The following KCNIP1 variants were observed in gnomAD, a reference collection of about 807,000 sequenced individuals.
KCNIP1 encodes potassium voltage-gated channel interacting protein 1, also known as A-type potassium channel modulatory protein KCNIP1.
A neutral mutation model predicts 33.0 loss-of-function variants in KCNIP1; 18 were observed. The observed-to-expected ratio is 0.55, with a 90% CI of 0.38 to 0.81. The LOEUF (loss-of-function observed/expected upper bound fraction) is 0.81. Ranked by LOEUF, KCNIP1 falls within the 30% of genes least tolerant of loss-of-function variation. The pLI, the probability that KCNIP1 is intolerant of heterozygous loss-of-function variation, is 0.00. For missense variants in KCNIP1, 238 were observed against 271.6 expected, an observed-to-expected ratio of 0.88 and a Z score of 0.87; for synonymous variants, 93 against 98.3, an observed-to-expected ratio of 0.95 and a Z score of 0.32.
At chr5:170,595,226 C>T (rs1207423541) in intron 1 of KCNIP1, among the ~76,000 whole-genome samples, 7 of 152,140 alleles carry the variant, frequency 4.6e-5, no homozygotes, top group Admixed American at 6.5e-5. Context: ...TGGAGGGCAG[C>T]GGTACCAGTG....
upstream of KCNIP1, among the ~76,000 whole-genome samples, chr5:170,500,565 C>G (rs1240403557): frequency 2.6e-5 from 4 of 152,208 alleles, no homozygotes; most frequent in Non-Finnish European, 5.9e-5. Flanking sequence ...CACTCCCTCT[C>G]TCCCCATGCA....
intron 1 of KCNIP1, among the ~76,000 whole-genome samples, chr5:170,545,025 G>T (rs1414566429): frequency 6.6e-6 from 1 of 152,150 alleles, no homozygotes; most frequent in Non-Finnish European, 1.5e-5. Context: ...CCTTCAGCCT[G>T]AAGATTCTTA....
intron 1 of KCNIP1, among the ~76,000 whole-genome samples, chr5:170,664,691 C>T (rs1436563150): frequency 2.0e-5 from 3 of 151,552 alleles, no homozygotes; most frequent in African/African-American, 4.8e-5. Context: ...AGACAAGGCG[C>T]CCTGCCCTCA....
At chr5:170,455,632 A>T (rs1756353782) in intron 1 of KCNIP1, among the ~76,000 whole-genome samples, 1 of 152,234 alleles carries the variant, frequency 6.6e-6, no homozygotes, top group African/African-American at 2.4e-5. Context: ...CAAAGAATAA[A>T]ATTAGAAAGA....
At chr5:170,506,194 G>C (rs2113244069) in intron 1 of KCNIP1, among the ~76,000 whole-genome samples, 1 of 152,256 alleles carries the variant, frequency 6.6e-6, no homozygotes, top group East Asian at 1.9e-4. Flanking sequence ...GTCACAGAAA[G>C]ATCTCAAGCC....
rs533930256 is a variant in KCNIP1, at chr5:170,516,096, G to C, written c.61+11463G>C. On this transcript the variant is annotated intron_variant, in intron 1 of 7. Coordinates refer to ENST00000328939, the MANE Select transcript of KCNIP1 (RefSeq NM_014592.4). ...CATCAGAAGTGGGAGGCAAGGAGCA[G>C]AGTCAGGCTGTCCATGTTCAGGAGA... is the stretch of plus-strand genomic sequence containing the variant. 3.3e-5 allele frequency among the ~76,000 whole-genome samples: 5 copies of C among 152,304 alleles called. No individual in the cohort carries two copies. In the East Asian group the frequency reaches 9.7e-4, roughly 29 times the overall value.
At chr5:170,624,725 G>A (rs1317788140) in intron 1 of KCNIP1, among the ~76,000 whole-genome samples, 26 of 101,170 alleles carry the variant, frequency 2.6e-4, no homozygotes, top group Admixed American at 2.4e-3. Flanking sequence ...AAAGGAGACC[G>A]GGGAGGTGGG....
At chr5:170,465,776 G>T (rs6862896) in intron 1 of KCNIP1, among the ~76,000 whole-genome samples, 67,096 of 152,032 alleles carry the variant, frequency 0.44, 15,227 homozygotes, top group East Asian at 0.53. Flanking sequence ...AAATTTGCTA[G>T]TTAAGCAGGT....
chr5:170,483,061 T>TG (rs1254163001), intron 1 of KCNIP1: 2 of 454,686 alleles, frequency 4.4e-6, no homozygotes, highest in South Asian at 3.1e-5. Context: ...CAAGGACAGA[T>TG]GGAGTCAAAA....
chr5:170,673,594 G>A (rs1188391415), intron 1 of KCNIP1, among the ~76,000 whole-genome samples: 1 of 152,186 alleles, frequency 6.6e-6, no homozygotes, highest in Non-Finnish European at 1.5e-5. Flanking sequence ...TGTTAAGTGG[G>A]CTCTGATACT....
At chr5:170,670,273 A>G (rs1761863591) in intron 1 of KCNIP1, among the ~76,000 whole-genome samples, 2 of 152,178 alleles carry the variant, frequency 1.3e-5, no homozygotes, top group Admixed American at 1.3e-4. Context: ...GGACGGAGAG[A>G]GAGATGGATG....
chr5:170,517,773 GTGGTGGTGGTAGTGATGA>G (rs570843691), intron 1 of KCNIP1, among the ~76,000 whole-genome samples: 126 of 147,716 alleles, frequency 8.5e-4, no homozygotes, highest in African/African-American at 3.2e-3. Context: ...GGTAGTGATG[GTGGTGGTGGTAGTGATGA>G]TGGTGAAGTG....
chr5:170,576,445 G>C (rs1033106540), intron 1 of KCNIP1, among the ~76,000 whole-genome samples: 1 of 152,192 alleles, frequency 6.6e-6, no homozygotes, highest in Non-Finnish European at 1.5e-5. Flanking sequence ...TTTCACAGAT[G>C]GGGACATAGA....
At chr5:170,624,050 A>C (rs921880607) in intron 1 of KCNIP1, among the ~76,000 whole-genome samples, 7 of 152,224 alleles carry the variant, frequency 4.6e-5, no homozygotes, top group Non-Finnish European at 1.0e-4. Context: ...GACCTGGGCA[A>C]TCCATCCCCT....
chr5:170,692,487 T>C (rs1256908660), intron 1 of KCNIP1, among the ~76,000 whole-genome samples: 2 of 152,174 alleles, frequency 1.3e-5, no homozygotes, highest in Non-Finnish European at 2.9e-5. Flanking sequence ...TATTATGAGA[T>C]TGCAACAATA....
At chr5:170,626,651 T>C (rs1487780391) in intron 1 of KCNIP1, among the ~76,000 whole-genome samples, 1 of 152,190 alleles carries the variant, frequency 6.6e-6, no homozygotes, top group East Asian at 1.9e-4. Flanking sequence ...CCCCAGGACC[T>C]GGCCCCCAGG....
intron 1 of KCNIP1, among the ~76,000 whole-genome samples, chr5:170,561,397 G>T (rs924208776): frequency 2.0e-5 from 3 of 152,186 alleles, no homozygotes; most frequent in African/African-American, 4.8e-5. Context: ...GCACTCCGGA[G>T]GGGGAGGACT....
At chr5:170,354,598 G>A (rs1763295537) in intron 1 of KCNIP1, among the ~76,000 whole-genome samples, 1 of 152,224 alleles carries the variant, frequency 6.6e-6, no homozygotes, top group South Asian at 2.1e-4. Context: ...CCAGGAACTG[G>A]GGTGGCAGGT....
At chr5:170,646,086 A>G (rs571493522) in intron 1 of KCNIP1, among the ~76,000 whole-genome samples, 1 of 152,372 alleles carries the variant, frequency 6.6e-6, no homozygotes, top group South Asian at 2.1e-4. Context: ...TGTCTATTAC[A>G]GAAATTGAAT....
Sources: gnomAD v4.1 joint callset for allele counts (sites outside exome capture counted in the v4.1 genomes callset) on GRCh38, gnomAD v4.1.1 for gene constraint, MANE v1.5 for transcripts, NCBI Gene and HGNC (gene_info 2026-07-23, HGNC 2026-07-21) for gene names.